CTNNA2: variants seen among roughly 807,000 people sequenced by gnomAD.
CTNNA2 encodes the protein catenin alpha-2.
A neutral mutation model predicts 101.0 loss-of-function variants in CTNNA2; 42 were observed. The observed-to-expected ratio is 0.42, with a 90% CI of 0.32 to 0.54. CTNNA2 has a LOEUF of 0.54. Among genes scored for constraint, CTNNA2 ranks in the 20% least tolerant of loss-of-function variants. The pLI is 0.14. For missense variants in CTNNA2, 871 were observed against 1,223.1 expected, an observed-to-expected ratio of 0.71 and a Z score of 4.29; for synonymous variants, 450 against 456.4, an observed-to-expected ratio of 0.99 and a Z score of 0.18.
chr2:79,643,124 G>A (rs1187988966), intron 1 of CTNNA2, among the ~76,000 whole-genome samples: 1 of 152,100 alleles, frequency 6.6e-6, no homozygotes, highest in Non-Finnish European at 1.5e-5. Flanking sequence ...TGGGGAGGCG[G>A]GGGTTGCAGT....
intron 9 of CTNNA2, among the ~76,000 whole-genome samples, chr2:80,512,364 C>T (rs1262940358): frequency 6.6e-6 from 1 of 151,870 alleles, no homozygotes; most frequent in African/African-American, 2.4e-5. Flanking sequence ...TTCACAAAAG[C>T]AGATATAAAA....
intron 2 of CTNNA2, among the ~76,000 whole-genome samples, chr2:79,708,228 G>C (rs1397693): frequency 0.33 from 49,876 of 151,958 alleles, 9,817 homozygotes; most frequent in East Asian, 0.6. Context: ...AGTAGTTCAA[G>C]TTGCCCTTCT....
chr2:79,810,332 C>T (rs1248834468), intron 3 of CTNNA2, among the ~76,000 whole-genome samples: 1 of 151,890 alleles, frequency 6.6e-6, no homozygotes, highest in Non-Finnish European at 1.5e-5. Context: ...AGAGAAACGC[C>T]CATAAAACCA....
intron 2 of CTNNA2, among the ~76,000 whole-genome samples, chr2:79,259,139 G>C (rs1674888159): frequency 6.6e-6 from 1 of 152,104 alleles, no homozygotes; most frequent in South Asian, 2.1e-4. Context: ...AGGGAGCCCA[G>C]TATTTTATCG....
chr2:80,507,701 A>G (rs1368900), intron 9 of CTNNA2, among the ~76,000 whole-genome samples: 62,880 of 151,950 alleles, frequency 0.41, 13,387 homozygotes, highest in South Asian at 0.46. Flanking sequence ...ACTCGAATTT[A>G]GCACTTAGAC....
At chr2:79,285,477 G>A (rs1421428385) in intron 2 of CTNNA2, among the ~76,000 whole-genome samples, 1 of 144,744 alleles carries the variant, frequency 6.9e-6, no homozygotes, top group Non-Finnish European at 1.5e-5. Context: ...TGGTTTCAAA[G>A]AACATCTTTA....
intron 7 of CTNNA2, among the ~76,000 whole-genome samples, chr2:79,969,773 AT>A (rs1481580794): frequency 1.3e-5 from 2 of 151,856 alleles, no homozygotes; most frequent in South Asian, 4.2e-4. Context: ...TAAAGCATTT[AT>A]CTCTGTGTGT....
At chr2:79,384,286 A>T (rs924965626) in intron 4 of CTNNA2, among the ~76,000 whole-genome samples, 1 of 152,012 alleles carries the variant, frequency 6.6e-6, no homozygotes, top group African/African-American at 2.4e-5. Flanking sequence ...GCGCTTTCAC[A>T]TTGGTAGTCA....
At chr2:80,087,992 T>A (rs1453947604) in intron 7 of CTNNA2, among the ~76,000 whole-genome samples, 3 of 152,028 alleles carry the variant, frequency 2.0e-5, no homozygotes. Context: ...ACTTCAGCCC[T>A]TGCCGACCAC....
intron 8 of CTNNA2, 63 bp from the exon 9 acceptor site, chr2:80,419,386 A>G: frequency 7.3e-7 from 1 of 1,377,724 alleles, no homozygotes; most frequent in Non-Finnish European, 1.0e-6. Context: ...AGTTTAGAAA[A>G]AAAATGGGCA....
At chr2:79,365,699 G>GT (rs971125341) in intron 3 of CTNNA2, among the ~76,000 whole-genome samples, 5 of 150,722 alleles carry the variant, frequency 3.3e-5, no homozygotes, top group Admixed American at 1.3e-4. Context: ...CAGGTTTTTT[G>GT]TTTTTTGTTT....
At chr2:80,486,961 A>G (rs1686634602) in intron 9 of CTNNA2, among the ~76,000 whole-genome samples, 1 of 152,122 alleles carries the variant, frequency 6.6e-6, no homozygotes, top group African/African-American at 2.4e-5. Context: ...TCATATCTGC[A>G]CATGTAGCTC....
intron 7 of CTNNA2, among the ~76,000 whole-genome samples, chr2:80,047,140 C>G (rs1696582453): frequency 6.6e-6 from 1 of 152,164 alleles, no homozygotes; most frequent in African/African-American, 2.4e-5. Context: ...GATTCATTAC[C>G]TCTCCTAAAT....
chr2:80,596,983 G>A (rs1451509406), intron 15 of CTNNA2, among the ~76,000 whole-genome samples: 1 of 152,082 alleles, frequency 6.6e-6, no homozygotes, highest in African/African-American at 2.4e-5. Flanking sequence ...TTTTGTCACT[G>A]GTTCTGTTTA....
intron 8 of CTNNA2, among the ~76,000 whole-genome samples, chr2:80,400,786 T>C (rs2149378889): frequency 6.6e-6 from 1 of 152,298 alleles, no homozygotes; most frequent in African/African-American, 2.4e-5. Flanking sequence ...TCCACTGCCA[T>C]TGGCCCTAAT....
intron 7 of CTNNA2, among the ~76,000 whole-genome samples, chr2:80,250,423 C>A (rs1404080732): frequency 2.0e-5 from 3 of 151,910 alleles, no homozygotes; most frequent in Admixed American, 6.6e-5. Context: ...GGAGTAAACG[C>A]AAAGATAGAA....
chr2:79,951,656 C>A (rs1333582330), intron 7 of CTNNA2, among the ~76,000 whole-genome samples: 1 of 151,076 alleles, frequency 6.6e-6, no homozygotes, highest in African/African-American at 2.4e-5. Context: ...CAGAGTGAGA[C>A]CCTGTCTCAA....
chr2:80,393,352 C>A, intron 8 of CTNNA2, 61 bp downstream of exon 8: 1 of 1,211,262 alleles, frequency 8.3e-7, no homozygotes, highest in Non-Finnish European at 1.2e-6. Flanking sequence ...CAACAATATC[C>A]TTTTCCAGGG....
At chr2:79,337,019 T>C (rs776825484) in intron 3 of CTNNA2, among the ~76,000 whole-genome samples, 9 of 152,174 alleles carry the variant, frequency 5.9e-5, no homozygotes, top group Non-Finnish European at 1.0e-4. Context: ...TATAAACACC[T>C]TGATGTTCCT....
Sources: allele counts gnomAD v4.1 joint callset (sites outside exome capture counted in the v4.1 genomes callset), GRCh38; gene constraint gnomAD v4.1.1; transcripts MANE v1.5; gene names NCBI Gene and HGNC (gene_info 2026-07-23, HGNC 2026-07-21).